The following PRKG1 variants were observed in gnomAD, a reference collection of about 807,000 sequenced individuals.
PRKG1 encodes cGMP-dependent protein kinase 1.
PRKG1 carries 35 observed loss-of-function variants against 88.1 expected under a neutral mutation model. That is an observed-to-expected ratio of 0.40 (90% CI 0.30 to 0.53). The LOEUF (loss-of-function observed/expected upper bound fraction) is 0.53, where lower values mean the gene tolerates loss of function less well. Ranked by LOEUF, PRKG1 falls within the 20% of genes least tolerant of loss-of-function variation. The pLI is 0.59. For synonymous variants in PRKG1, 303 were observed against 292.5 expected (o/e 1.04, Z -0.37); for missense variants, 540 against 839.8 (o/e 0.64, Z 4.41).
At chr10:51,917,829 C>A (rs1490416471) in intron 5 of PRKG1, among the ~76,000 whole-genome samples, 3 of 152,110 alleles carry the variant, frequency 2.0e-5, no homozygotes, top group Admixed American at 2.0e-4. Flanking sequence ...ATAGAGAGGT[C>A]CCTCTCCCAT....
At chr10:52,076,309 C>A (rs1846627102) in intron 7 of PRKG1, among the ~76,000 whole-genome samples, 2 of 152,214 alleles carry the variant, frequency 1.3e-5, no homozygotes, top group South Asian at 4.1e-4. Context: ...GTAGTCCCAG[C>A]ACTTTGGAAG....
chr10:51,043,741 G>T (rs2132761044), intron 1 of PRKG1, among the ~76,000 whole-genome samples: 1 of 152,222 alleles, frequency 6.6e-6, no homozygotes, highest in South Asian at 2.1e-4. Flanking sequence ...CACAGTACAT[G>T]GAATGTAGTC....
intron 4 of PRKG1, among the ~76,000 whole-genome samples, chr10:51,816,442 CAA>C (rs1468054030): frequency 6.6e-6 from 1 of 151,692 alleles, no homozygotes; most frequent in Non-Finnish European, 1.5e-5. Context: ...TGAATATGTG[CAA>C]AAATCATTAC....
At chr10:51,464,855 C>T (rs977975292) in intron 2 of PRKG1, among the ~76,000 whole-genome samples, 1 of 140,404 alleles carries the variant, frequency 7.1e-6, no homozygotes. Flanking sequence ...CCCGCCACTG[C>T]ACTCCAGCCT....
Position 51,055,732 on chromosome 10 carries a change from C to T in PRKG1, c.266+64088C>T, listed in dbSNP as rs185018440. The stretch of plus-strand genomic sequence containing the variant: ...CAGCCTGGGTGACTGAGCCAGACTC[C>T]GTCTCAAAAAAAAAATTTCTTTGGA... On this transcript the variant is annotated intron_variant, in intron 1 of 17. Coordinates refer to the PRKG1 transcript ENST00000401604. Among the ~76,000 whole-genome samples the T allele has an allele frequency of 4.8e-4, 70 of 146,254 alleles. 1 individual carries two copies. The East Asian group carries it at 0.011, about 24-fold the overall frequency.
At chr10:52,108,908 C>A (rs1388570599) in intron 7 of PRKG1, among the ~76,000 whole-genome samples, 2 of 34 alleles carry the variant, frequency 0.059, no homozygotes, top group African/African-American at 0.083. Context: ...CTCACTGCAA[C>A]CTACTGCCTC....
chr10:51,229,926 C>CAAAAAAAAAAAAAAAAAAAAAA (rs35300789), intron 2 of PRKG1, among the ~76,000 whole-genome samples: 1 of 33,584 alleles, frequency 3.0e-5, no homozygotes, highest in Non-Finnish European at 7.0e-5. Flanking sequence ...GAGGCGATCT[C>CAAAAAAAAAAAAAAAAAAAAAA]AAAAAAAAAA....
intron 2 of PRKG1, among the ~76,000 whole-genome samples, chr10:51,155,500 A>G (rs569417256): frequency 6.6e-6 from 1 of 152,118 alleles, no homozygotes; most frequent in African/African-American, 2.4e-5. Flanking sequence ...TCTCCCAACT[A>G]GTTTATAGTA....
chr10:51,543,293 T>G (rs1842359675), intron 3 of PRKG1, among the ~76,000 whole-genome samples: 2 of 152,144 alleles, frequency 1.3e-5, no homozygotes, highest in African/African-American at 4.8e-5. Context: ...ACTGATGAGG[T>G]AAATTCAATA....
chr10:52,016,968 C>T (rs1211274726), intron 5 of PRKG1, among the ~76,000 whole-genome samples: 2 of 151,856 alleles, frequency 1.3e-5, no homozygotes, highest in Non-Finnish European at 2.9e-5. Flanking sequence ...CCAGAGGTAG[C>T]CAGGTGACAA....
At chr10:51,986,799 G>A (rs11000383) in intron 5 of PRKG1, among the ~76,000 whole-genome samples, 16,599 of 152,222 alleles carry the variant, frequency 0.11, 1,216 homozygotes, top group East Asian at 0.32. Context: ...TGGAGGGGAG[G>A]AATAGGATGC....
chr10:51,489,773 G>A (rs1258899904), intron 3 of PRKG1, among the ~76,000 whole-genome samples: 1 of 152,106 alleles, frequency 6.6e-6, no homozygotes, highest in African/African-American at 2.4e-5. Context: ...ATTGGATGAT[G>A]CTTAATAGGC....
At chr10:50,993,274 G>C (rs1004853980) in intron 1 of PRKG1, among the ~76,000 whole-genome samples, 2 of 152,240 alleles carry the variant, frequency 1.3e-5, no homozygotes, top group African/African-American at 4.8e-5. Flanking sequence ...CTTCTGAACA[G>C]CCATCTCAGA....
intron 10 of PRKG1, among the ~76,000 whole-genome samples, chr10:52,258,943 A>T (rs1029813386): frequency 2.6e-5 from 4 of 152,010 alleles, no homozygotes; most frequent in Non-Finnish European, 5.9e-5. Context: ...GGGAAAGGCC[A>T]TTCTGAGAAA....
At chr10:51,754,799 A>C (rs565083058) in intron 3 of PRKG1, among the ~76,000 whole-genome samples, 1 of 152,246 alleles carries the variant, frequency 6.6e-6, no homozygotes, top group East Asian at 1.9e-4. Flanking sequence ...TAAACTATTT[A>C]AATACTGCAA....
intron 2 of PRKG1, among the ~76,000 whole-genome samples, chr10:51,303,675 A>C (rs1840954019): frequency 6.6e-6 from 1 of 152,104 alleles, no homozygotes; most frequent in South Asian, 2.1e-4. Flanking sequence ...AATAATATTA[A>C]ATTTAATTTT....
rs190305352 is a variant in PRKG1 at position 51,660,633 on chromosome 10, C to T, written c.593-143952C>T. On this transcript the variant is annotated intron_variant, in intron 3 of 17. Transcript: ENST00000373980. ...TTCAAATAATAACTCTGATTATTCA[C>T]AGTAACTTCAGAATACATTTGGAAT... 3.3e-5 allele frequency among the ~76,000 whole-genome samples: 5 copies of T among 152,166 alleles called. No individual in the cohort carries two copies. In the East Asian group the frequency reaches 9.7e-4, roughly 29 times the overall value.
At chr10:51,960,060 C>T (rs1843408165) in intron 5 of PRKG1, among the ~76,000 whole-genome samples, 1 of 151,200 alleles carries the variant, frequency 6.6e-6, no homozygotes. Context: ...GCAGAAACTT[C>T]TAGACATCAT....
intron 4 of PRKG1, among the ~76,000 whole-genome samples, chr10:51,841,535 A>G (rs1840275056): frequency 6.6e-6 from 1 of 152,212 alleles, no homozygotes; most frequent in African/African-American, 2.4e-5. Context: ...TGAACTAGAA[A>G]TATTAAAAAT....
Sources: gnomAD v4.1 joint callset for allele counts (sites outside exome capture counted in the v4.1 genomes callset) on GRCh38, gnomAD v4.1.1 for gene constraint, MANE v1.5 for transcripts, NCBI Gene and HGNC (gene_info 2026-07-23, HGNC 2026-07-21) for gene names.